The following SEL1L2 variants were observed in gnomAD, a reference collection of about 807,000 sequenced individuals.
SEL1L2 encodes the protein protein sel-1 homolog 2.
A neutral mutation model predicts 98.8 loss-of-function variants in SEL1L2; 89 were observed. The observed-to-expected ratio is 0.90, with a 90% CI of 0.76 to 1.07. The LOEUF is 1.07. SEL1L2 is among the 50% of genes least tolerant of loss of function. The pLI, the probability that SEL1L2 is intolerant of heterozygous loss-of-function variation, is 0.00. For missense variants in SEL1L2, 788 were observed against 812.0 expected (o/e 0.97, Z 0.36); for synonymous variants, 262 against 278.5 (o/e 0.94, Z 0.59).
At chr20:13,991,934 A>AG (rs2052549326), upstream of SEL1L2, among the ~76,000 whole-genome samples, 2 of 151,998 alleles carry the variant, frequency 1.3e-5, no homozygotes, top group East Asian at 3.9e-4. Flanking sequence ...CAGGGGCCTG[A>AG]GGGGTGGAGG....
chr20:13,928,601 G>A (rs1005459729), intron 3 of SEL1L2, among the ~76,000 whole-genome samples: 1 of 152,150 alleles, frequency 6.6e-6, no homozygotes, highest in African/African-American at 2.4e-5. Flanking sequence ...GCGGGCCCTA[G>A]GTGCTAAATT....
chr20:13,879,061 C>CT (rs1176030056), intron 10 of SEL1L2, among the ~76,000 whole-genome samples: 1 of 152,146 alleles, frequency 6.6e-6, no homozygotes, highest in African/African-American at 2.4e-5. Context: ...CAGAGTCATG[C>CT]TGTTAGTACT....
intron 1 of SEL1L2, among the ~76,000 whole-genome samples, chr20:13,956,795 G>A (rs1178904365): frequency 3.3e-5 from 5 of 151,760 alleles, no homozygotes; most frequent in African/African-American, 7.3e-5. Flanking sequence ...GAAACAAGTC[G>A]GAAAACGTGA....
chr20:13,990,775 G>A (rs2052508425), upstream of SEL1L2, among the ~76,000 whole-genome samples: 1 of 152,214 alleles, frequency 6.6e-6, no homozygotes, highest in Non-Finnish European at 1.5e-5. Context: ...TAAGGGGTAG[G>A]CTAGAAATTA....
At chr20:13,961,883 T>A (rs1243882185) in intron 1 of SEL1L2, among the ~76,000 whole-genome samples, 1 of 152,176 alleles carries the variant, frequency 6.6e-6, no homozygotes, top group African/African-American at 2.4e-5. Context: ...GACTAGTATA[T>A]CTCTCCTTTT....
upstream of SEL1L2, chr20:13,995,255 A>T (rs1462423145): frequency 5.5e-6 from 1 of 181,068 alleles, no homozygotes; most frequent in East Asian, 1.9e-4. The surrounding 1 kb of genome is among the most constrained non-coding windows in gnomAD (Gnocchi z 4.3). Context: ...CGCCGCGCCC[A>T]CGTCTCGAGG....
chr20:13,939,866 C>A (rs1162824010), intron 2 of SEL1L2, among the ~76,000 whole-genome samples: 2 of 152,196 alleles, frequency 1.3e-5, no homozygotes, highest in East Asian at 3.9e-4. Flanking sequence ...GGGGTTTCGC[C>A]ATGTTGGCCA....
chr20:13,955,040 C>T (rs1321243), intron 2 of SEL1L2, among the ~76,000 whole-genome samples: 17,454 of 152,076 alleles, frequency 0.11, 1,173 homozygotes, highest in Admixed American at 0.18. Context: ...TTACTTCCTC[C>T]ATTTAGATTT....
chr20:13,890,555 A>G (rs1221162475), intron 5 of SEL1L2, among the ~76,000 whole-genome samples: 1 of 152,214 alleles, frequency 6.6e-6, no homozygotes, highest in Non-Finnish European at 1.5e-5. Flanking sequence ...ACTAGGAGAG[A>G]TAGCTGTTTT....
intron 12 of SEL1L2, among the ~76,000 whole-genome samples, chr20:13,872,993 CT>C (rs112463334): frequency 0.017 from 2,355 of 140,984 alleles, 35 homozygotes; most frequent in African/African-American, 0.052. Flanking sequence ...TTTCTTTTTT[CT>C]TTTTTTTTTT....
intron 4 of SEL1L2, 48 bp from the exon 5 acceptor site, chr20:13,913,992 T>G (rs775275967): frequency 6.7e-7 from 1 of 1,486,500 alleles, no homozygotes; most frequent in Admixed American, 2.5e-5. Context: ...AATGAAATTT[T>G]CTTCTCCTTC....
In SEL1L2 at chr20:13,856,328, C is replaced by T. The variant is rs950469162; in HGVS notation, c.1818+2934G>A. ...CATTTTTAGTAGAGACAAGATTTTG[C>T]CATGTTAGCCTGGCTGGTCTCAAAC... On this transcript the variant is annotated intron_variant, in intron 18 of 19. Coordinates refer to ENST00000284951, the MANE Select transcript of SEL1L2 (RefSeq NM_025229.2). Among the ~76,000 whole-genome samples the T allele has an allele frequency of 2.0e-5, 3 of 152,058 alleles. No individual in the cohort carries two copies. In the South Asian group the frequency reaches 6.2e-4, roughly 32 times the overall value.
At chr20:13,947,035 A>T (rs1282238536) in intron 2 of SEL1L2, among the ~76,000 whole-genome samples, 1 of 152,182 alleles carries the variant, frequency 6.6e-6, no homozygotes, top group Admixed American at 6.5e-5. Flanking sequence ...TGTAGATGGC[A>T]GCAGGAGGCA....
intron 2 of SEL1L2, among the ~76,000 whole-genome samples, chr20:13,936,540 T>C (rs879784237): frequency 3.9e-5 from 6 of 152,202 alleles, no homozygotes; most frequent in African/African-American, 1.4e-4. Context: ...GACTCCTCTG[T>C]GGTCCCCATC....
At chr20:13,870,937 A>G (rs902579001) in intron 12 of SEL1L2, among the ~76,000 whole-genome samples, 1 of 151,684 alleles carries the variant, frequency 6.6e-6, no homozygotes, top group African/African-American at 2.4e-5. Context: ...AAAAAAAAAA[A>G]AAAAAAAGAA....
At chr20:13,963,330 A>G (rs2050868562) in intron 1 of SEL1L2, among the ~76,000 whole-genome samples, 1 of 134,684 alleles carries the variant, frequency 7.4e-6, no homozygotes. Context: ...ATTCTCTCTT[A>G]TATTCTTTCT....
At chr20:13,912,292 A>ATTTTTT (rs11478603) in intron 5 of SEL1L2, among the ~76,000 whole-genome samples, 12 of 111,314 alleles carry the variant, frequency 1.1e-4, no homozygotes, top group South Asian at 3.2e-4. Context: ...TTTCTGTGGG[A>ATTTTTT]TTTTTTTTTT....
intron 2 of SEL1L2, among the ~76,000 whole-genome samples, chr20:13,941,083 T>A (rs1266178864): frequency 6.6e-6 from 1 of 152,172 alleles, no homozygotes; most frequent in Non-Finnish European, 1.5e-5. Flanking sequence ...CTTGCTTGCT[T>A]GAATATAATT....
At chr20:13,943,655 C>T (rs972852160) in intron 2 of SEL1L2, among the ~76,000 whole-genome samples, 4 of 152,020 alleles carry the variant, frequency 2.6e-5, no homozygotes, top group African/African-American at 9.7e-5. Flanking sequence ...ATTTGTATCT[C>T]TGAGAACTAT....
Sources: allele counts gnomAD v4.1 joint callset (sites outside exome capture counted in the v4.1 genomes callset), GRCh38; gene constraint gnomAD v4.1.1; non-coding constraint Gnocchi (gnomAD v3.1); transcripts MANE v1.5; gene names NCBI Gene and HGNC (gene_info 2026-07-23, HGNC 2026-07-21).